The following HBS1L variants were observed in gnomAD, a reference collection of about 807,000 sequenced individuals.
HBS1L encodes HBS1 like translational GTPase.
HBS1L carries 55 observed loss-of-function variants against 88.9 expected under a neutral mutation model. The ratio of observed to expected loss-of-function variants is 0.62; its 90% confidence interval spans 0.50 to 0.77. The LOEUF (loss-of-function observed/expected upper bound fraction) is 0.77. Among genes scored for constraint, HBS1L ranks in the 30% least tolerant of loss-of-function variants. The pLI, the probability that HBS1L is intolerant of heterozygous loss-of-function variation, is 0.00. For synonymous variants in HBS1L, 267 were observed against 288.5 expected (o/e 0.93, Z 0.76); for missense variants, 741 against 829.3 (o/e 0.89, Z 1.31).
Position 134,986,686 on chromosome 6 carries a change from G to A in HBS1L, c.1305+50C>T, listed in dbSNP as rs760718055. 1.1e-5 allele frequency: 10 copies of A among 940,106 alleles called. No homozygotes were observed. In the African/African-American group the frequency reaches 1.6e-4, roughly 15 times the overall value. 58.2% of individuals were successfully genotyped at this position (940,106 alleles called of 1,614,324 possible). The stretch of plus-strand genomic sequence containing the variant: ...AGTATTAGTTTTTCCTCTCATACCA[G>A]TAAGATGACTTAAGGAAAGTAATAA... On this transcript the variant is annotated intron_variant, in intron 10 of 17. Coordinates refer to ENST00000367837, the MANE Select transcript of HBS1L (RefSeq NM_006620.4).
chr6:135,042,159 T>C, intron 2 of HBS1L, 33 bp from the exon 3 acceptor site: 2 of 1,564,410 alleles, frequency 1.3e-6, no homozygotes, highest in Non-Finnish European at 1.7e-6. Flanking sequence ...AATGCTATGG[T>C]ATAGCCATTT....
rs202138915 is a variant in HBS1L, at chr6:135,052,384, G to A, written c.44-1737C>T. On this transcript the variant is annotated intron_variant, in intron 1 of 17. Coordinates refer to ENST00000367837, the MANE Select transcript of HBS1L (RefSeq NM_006620.4). ...AGCCGAGGAGGGAGGATCTCGCTTG[G>A]GCAACACAGCCGGATGCTGTCTCTA... 2.6e-5 allele frequency among the ~76,000 whole-genome samples: 4 copies of A among 151,970 alleles called. No homozygotes were observed. In the East Asian group the frequency reaches 5.8e-4, roughly 22 times the overall value.
chr6:135,025,030 A>C (rs141408639), intron 4 of HBS1L, among the ~76,000 whole-genome samples: 41 of 152,304 alleles, frequency 2.7e-4, no homozygotes, highest in African/African-American at 9.1e-4. Flanking sequence ...CAAGCCTCTC[A>C]GATCACTCTA....
chr6:135,041,866 G>A (rs1246599523), intron 3 of HBS1L, 135 bp downstream of exon 3: 2 of 697,546 alleles, frequency 2.9e-6, no homozygotes, highest in Non-Finnish European at 4.5e-6. Context: ...AACATAAACT[G>A]TCCTTGAATA....
intron 1 of HBS1L, among the ~76,000 whole-genome samples, chr6:135,053,181 C>G (rs149635318): frequency 4.3e-4 from 66 of 152,314 alleles, no homozygotes; most frequent in African/African-American, 1.6e-3. Flanking sequence ...CATTCCTTAA[C>G]GTAGAAATCC....
At chr6:135,027,417 A>C (rs1776267217) in intron 4 of HBS1L, among the ~76,000 whole-genome samples, 1 of 152,048 alleles carries the variant, frequency 6.6e-6, no homozygotes, top group Non-Finnish European at 1.5e-5. Context: ...CCAGCAACCA[A>C]AATTCTAAAA....
chr6:135,006,501 A>T (rs1310182086), intron 4 of HBS1L, among the ~76,000 whole-genome samples: 1 of 152,192 alleles, frequency 6.6e-6, no homozygotes, highest in African/African-American at 2.4e-5. Flanking sequence ...TGACAGCAGT[A>T]AAGACTGACA....
Position 135,044,678 on chromosome 6 carries a change from G to A in HBS1L, c.110-2552C>T, listed in dbSNP as rs544102221. On this transcript the variant is annotated intron_variant, in intron 2 of 17. Transcript: ENST00000367837. ...TGGCATTTTAGATTTAATAAAATGTGGCATAAATGATGCCCTTTGGTCCCT... is the reference window on the plus strand; with the variant it reads ...TGGCATTTTAGATTTAATAAAATGTAGCATAAATGATGCCCTTTGGTCCCT... 5.3e-5 allele frequency among the ~76,000 whole-genome samples: 8 copies of A among 152,154 alleles called. No individual in the cohort carries two copies. The South Asian group carries it at 1.7e-3, about 32-fold the overall frequency.
chr6:134,974,287 A>G (rs1373741832), intron 15 of HBS1L, among the ~76,000 whole-genome samples: 1 of 152,132 alleles, frequency 6.6e-6, no homozygotes, highest in African/African-American at 2.4e-5. Context: ...CAACAACAAA[A>G]AAGCTCAGGG....
chr6:135,037,585 C>A, intron 4 of HBS1L: 1 of 1,548,052 alleles, frequency 6.5e-7, no homozygotes, highest in Non-Finnish European at 8.7e-7. Flanking sequence ...CGGTGTTGTG[C>A]CCTTTATGAT....
chr6:134,992,220 C>T (rs1216823418), intron 8 of HBS1L, among the ~76,000 whole-genome samples: 4 of 152,126 alleles, frequency 2.6e-5, no homozygotes, highest in Non-Finnish European at 4.4e-5. Context: ...ATATGCAGTG[C>T]TATTTTCATT....
At chr6:134,989,266 T>C (rs1407821035) in intron 8 of HBS1L, among the ~76,000 whole-genome samples, 1 of 152,234 alleles carries the variant, frequency 6.6e-6, no homozygotes, top group African/African-American at 2.4e-5. Flanking sequence ...AACACTTTTA[T>C]TTTCTCTTTT....
intron 2 of HBS1L, among the ~76,000 whole-genome samples, chr6:135,047,397 C>T (rs1333269294): frequency 6.6e-6 from 1 of 152,178 alleles, no homozygotes; most frequent in Non-Finnish European, 1.5e-5. Flanking sequence ...CTGCAGACCT[C>T]AACTCCTGTA....
rs375160920 is a variant in HBS1L at position 134,986,819 on chromosome 6, G to C, written c.1231-9C>G. 2 of 1,476,900 alleles carry C rather than the reference G, an allele frequency of 1.4e-6. No individual in the cohort carries two copies. Among genetic ancestry groups the C allele is most frequent in the South Asian group, 1.4e-5 (1 of 72,402 alleles). 91.5% of individuals were successfully genotyped at this position (1,476,900 alleles called of 1,614,324 possible). On this transcript the variant is annotated splice_polypyrimidine_tract_variant and intron_variant, in intron 9 of 17. Coordinates refer to ENST00000367837, the MANE Select transcript of HBS1L (RefSeq NM_006620.4). ...TCTTGTTGCCAATTAACCTGATAAA[G>C]ATCCAATTTATTTTTAAAACTATCC...
intron 4 of HBS1L, chr6:135,037,862 G>A (rs1489199386): frequency 2.6e-6 from 4 of 1,547,796 alleles, no homozygotes; most frequent in South Asian, 1.2e-5. Context: ...TTTTTTCTAT[G>A]GAGTAAACAG....
chr6:135,035,802 A>AGCC (rs2114891420), intron 4 of HBS1L: 3 of 251,736 alleles, frequency 1.2e-5, no homozygotes, highest in East Asian at 1.9e-4. Context: ...CAGCAGCAGC[A>AGCC]GCAGAAGCTA....
At chr6:134,978,644 T>C (rs779998392) in intron 15 of HBS1L, 35 bp downstream of exon 15, 1 of 1,175,674 alleles carries the variant, frequency 8.5e-7, no homozygotes, top group Admixed American at 2.1e-5. Flanking sequence ...TTTGAATTTA[T>C]AAAAACAGGA....
chr6:134,991,382 A>G (rs1048774995), intron 8 of HBS1L, among the ~76,000 whole-genome samples: 1 of 152,182 alleles, frequency 6.6e-6, no homozygotes, highest in African/African-American at 2.4e-5. Flanking sequence ...GGCAAATTCA[A>G]ATTTTGCTTT....
At chr6:134,966,164 T>C (rs1774307226) in intron 17 of HBS1L, among the ~76,000 whole-genome samples, 165 bp downstream of exon 17, 1 of 152,152 alleles carries the variant, frequency 6.6e-6, no homozygotes. Flanking sequence ...CTTCCAAATA[T>C]AACCCTATCC....
Sources: allele counts gnomAD v4.1 joint callset (sites outside exome capture counted in the v4.1 genomes callset), GRCh38; gene constraint gnomAD v4.1.1; transcripts MANE v1.5; gene names NCBI Gene and HGNC (gene_info 2026-07-23, HGNC 2026-07-21).